The following RC3H1 variants were observed in gnomAD, a reference collection of about 807,000 sequenced individuals.
RC3H1 encodes roquin-1.
A neutral mutation model predicts 138.2 loss-of-function variants in RC3H1; 50 were observed. The ratio of observed to expected loss-of-function variants is 0.36; its 90% CI spans 0.29 to 0.46. The LOEUF (loss-of-function observed/expected upper bound fraction) is 0.46, where lower values mean the gene tolerates loss of function less well. Ranked by LOEUF, RC3H1 falls within the 20% of genes least tolerant of loss-of-function variation. The pLI is 1.00. For synonymous variants in RC3H1, 462 were observed against 489.1 expected (o/e 0.94, Z 0.73); for missense variants, 1,031 against 1,388.1 (o/e 0.74, Z 4.09).
intron 2 of RC3H1, among the ~76,000 whole-genome samples, chr1:173,985,493 G>A (rs1379811482): frequency 2.8e-5 from 3 of 108,616 alleles, no homozygotes; most frequent in African/African-American, 2.0e-4. Flanking sequence ...CCTGTTGGGT[G>A]AAAAGTAGTA....
chr1:173,978,339 G>T (rs1571214990), intron 7 of RC3H1, 149 bp downstream of exon 7: 2 of 699,782 alleles, frequency 2.9e-6, no homozygotes, highest in South Asian at 3.2e-5. Context: ...AGAGGGAAAA[G>T]ATTTAAAATG....
chr1:173,947,730 A>G (rs1659196108), intron 14 of RC3H1, 148 bp from the exon 15 acceptor site: 1 of 658,220 alleles, frequency 1.5e-6, no homozygotes, highest in African/African-American at 1.8e-5. Flanking sequence ...GTTTTTATGT[A>G]ACACTGGTTT....
intron 14 of RC3H1, among the ~76,000 whole-genome samples, chr1:173,949,038 T>C (rs1659262454): frequency 6.7e-6 from 1 of 150,296 alleles, no homozygotes; most frequent in African/African-American, 2.4e-5. Context: ...ATAAGAGCCT[T>C]ACTACAGCCT....
Position 173,938,674 on chromosome 1 carries a change from C to T in RC3H1, c.*47G>A, listed in dbSNP as rs6703547. The T allele has an allele frequency of 0.15, 225,447 of 1,474,510 alleles. 30,115 individuals are homozygous for T. Among genetic ancestry groups the T allele is most frequent in the African/African-American group, 0.71 (50,294 of 70,812 alleles). The allele number at this position is 1,474,510 out of a possible 1,614,324, so 91.3% of individuals were successfully genotyped here. A position where few individuals can be genotyped will look rare whatever the true frequency, so the allele number is the denominator to read the frequency against. On this transcript the variant is annotated 3_prime_UTR_variant, in exon 20 of 20. Coordinates refer to ENST00000367696, the MANE Select transcript of RC3H1 (RefSeq NM_172071.4). ...TTATGCGTTCTCCTACCCCTATGCC[C>T]GACAAACTGATTAGGAGCAGAAGAT...
intron 1 of RC3H1, among the ~76,000 whole-genome samples, chr1:174,006,216 A>AAGTAAATAAGCG (rs1661650702): frequency 6.6e-6 from 1 of 152,136 alleles, no homozygotes; most frequent in African/African-American, 2.4e-5. Flanking sequence ...CAAAATAAAT[A>AAGTAAATAAGCG]AATAAGTAAA....
intron 2 of RC3H1, among the ~76,000 whole-genome samples, chr1:173,990,318 A>T (rs1445277220): frequency 6.6e-6 from 1 of 151,602 alleles, no homozygotes; most frequent in African/African-American, 2.4e-5. Flanking sequence ...GCCTCAAGAG[A>T]TCTGCTAGCC....
At chr1:173,965,146 C>G in intron 9 of RC3H1, 26 bp from the exon 10 acceptor site, 3 of 1,567,298 alleles carry the variant, frequency 1.9e-6, no homozygotes, top group Non-Finnish European at 2.6e-6. Flanking sequence ...AGGCACATAT[C>G]AAAAAGCAAA....
intron 18 of RC3H1, among the ~76,000 whole-genome samples, chr1:173,942,186 G>A (rs1420467558): frequency 1.1e-4 from 16 of 150,922 alleles, no homozygotes; most frequent in Non-Finnish European, 2.2e-4. Flanking sequence ...AGGTTGCAGC[G>A]AGCTGAGATC....
At chr1:174,000,217 A>AT (rs1661538685) in intron 1 of RC3H1, among the ~76,000 whole-genome samples, 1 of 152,264 alleles carries the variant, frequency 6.6e-6, no homozygotes. Flanking sequence ...ATGTAGAAAC[A>AT]TAGAAACTAT....
At chr1:173,978,334 G>A (rs1467453096) in intron 7 of RC3H1, among the ~76,000 whole-genome samples, 154 bp downstream of exon 7, 1 of 151,766 alleles carries the variant, frequency 6.6e-6, no homozygotes, top group Non-Finnish European at 1.5e-5. Context: ...GATAAAGAGG[G>A]AAAAGATTTA....
intron 18 of RC3H1, 149 bp downstream of exon 18, chr1:173,943,293 G>C: frequency 1.6e-6 from 1 of 636,382 alleles, no homozygotes; most frequent in Non-Finnish European, 2.5e-6. Flanking sequence ...GATAAAATCG[G>C]AAGGTAGCCC....
At chr1:174,003,574 C>T (rs1247666768) in intron 1 of RC3H1, among the ~76,000 whole-genome samples, 1 of 152,048 alleles carries the variant, frequency 6.6e-6, no homozygotes, top group African/African-American at 2.4e-5. Context: ...GTGACAATTT[C>T]TTAACTGGTA....
chr1:174,017,386 C>T (rs1430372061), intron 1 of RC3H1, among the ~76,000 whole-genome samples: 1 of 152,108 alleles, frequency 6.6e-6, no homozygotes, highest in Non-Finnish European at 1.5e-5. Context: ...ATAAAGAGTC[C>T]CTGGCAGCAT....
intron 7 of RC3H1, among the ~76,000 whole-genome samples, chr1:173,974,222 G>C (rs1157428782): frequency 1.4e-5 from 2 of 139,558 alleles, no homozygotes; most frequent in Admixed American, 1.5e-4. Flanking sequence ...GGAGGTTGCA[G>C]TGAGCTGAGA....
intron 15 of RC3H1, among the ~76,000 whole-genome samples, chr1:173,947,103 C>T (rs1292437227): frequency 6.6e-6 from 1 of 151,984 alleles, no homozygotes; most frequent in African/African-American, 2.4e-5. Context: ...ATGTTATTCC[C>T]CCAAATAACA....
intron 10 of RC3H1, 134 bp downstream of exon 10, chr1:173,964,704 TA>T: frequency 1.2e-6 from 1 of 853,470 alleles, no homozygotes; most frequent in Non-Finnish European, 1.8e-6. Context: ...GCATGGGAAA[TA>T]AAAAAGCAAC....
intron 7 of RC3H1, among the ~76,000 whole-genome samples, chr1:173,977,016 G>A (rs142592268): frequency 0.015 from 2,217 of 151,288 alleles, 63 homozygotes; most frequent in African/African-American, 0.051. Context: ...TCTGCCGCCC[G>A]GGTTCACACC....
intron 13 of RC3H1, among the ~76,000 whole-genome samples, chr1:173,956,047 C>T (rs1659630427): frequency 6.7e-6 from 1 of 149,224 alleles, no homozygotes; most frequent in South Asian, 2.1e-4. Context: ...AGGAGAATCA[C>T]TTGAACCTGG....
intron 1 of RC3H1, among the ~76,000 whole-genome samples, chr1:174,019,945 T>G (rs1041409153): frequency 1.3e-5 from 2 of 152,120 alleles, no homozygotes; most frequent in Admixed American, 1.3e-4. Flanking sequence ...TGATATTAAA[T>G]ATGAGGTAAA....
Sources: gnomAD v4.1 joint callset for allele counts (sites outside exome capture counted in the v4.1 genomes callset) on GRCh38, gnomAD v4.1.1 for gene constraint, MANE v1.5 for transcripts, NCBI Gene and HGNC (gene_info 2026-07-23, HGNC 2026-07-21) for gene names.